The following PTPRR variants were observed in gnomAD, a reference collection of about 807,000 sequenced individuals.
PTPRR encodes protein tyrosine phosphatase receptor type R, also known as receptor-type tyrosine-protein phosphatase R.
A neutral mutation model predicts 77.2 loss-of-function variants in PTPRR; 38 were observed. That is an observed-to-expected ratio of 0.49 (90% CI 0.38 to 0.65). The LOEUF (loss-of-function observed/expected upper bound fraction) is 0.65, where lower values mean the gene tolerates loss of function less well. Ranked by LOEUF, PTPRR falls within the 30% of genes least tolerant of loss-of-function variation. The probability of loss-of-function intolerance (pLI) is 0.00; values close to 1 mark genes in which losing one functional copy is unlikely to be tolerated. For missense variants in PTPRR, 744 were observed against 799.2 expected, an observed-to-expected ratio of 0.93 and a Z score of 0.83; for synonymous variants, 299 against 283.1, an observed-to-expected ratio of 1.06 and a Z score of -0.57.
chr12:70,903,649 T>C (rs1044264707), intron 1 of PTPRR, among the ~76,000 whole-genome samples: 2 of 151,756 alleles, frequency 1.3e-5, no homozygotes, highest in African/African-American at 4.8e-5. Context: ...AAACATAGAA[T>C]AAAATCTTTA....
intron 5 of PTPRR, among the ~76,000 whole-genome samples, chr12:70,747,072 C>A (rs543137201): frequency 6.6e-6 from 1 of 152,124 alleles, no homozygotes; most frequent in Admixed American, 6.5e-5. Context: ...TTTATAATAA[C>A]TACTTTCAAG....
At chr12:70,880,306 T>C (rs983806628) in intron 2 of PTPRR, among the ~76,000 whole-genome samples, 5 of 152,194 alleles carry the variant, frequency 3.3e-5, no homozygotes, top group South Asian at 2.1e-4. Context: ...ACTTAGTCAT[T>C]GAAGGAAACA....
chr12:70,818,660 G>A (rs1365736847), intron 2 of PTPRR, among the ~76,000 whole-genome samples: 1 of 151,974 alleles, frequency 6.6e-6, no homozygotes, highest in African/African-American at 2.4e-5. Flanking sequence ...TTGCCTTAGA[G>A]GCCTGTTTCA....
At chr12:70,850,409 T>C (rs1176459203) in intron 2 of PTPRR, among the ~76,000 whole-genome samples, 1 of 151,836 alleles carries the variant, frequency 6.6e-6, no homozygotes, top group African/African-American at 2.4e-5. Context: ...GAAAGATCAA[T>C]AGGGCAGCAA....
chr12:70,874,239 A>T (rs745393187), intron 2 of PTPRR, among the ~76,000 whole-genome samples: 4 of 152,206 alleles, frequency 2.6e-5, no homozygotes, highest in Non-Finnish European at 4.4e-5. Flanking sequence ...TTGAACAAAA[A>T]AAGTCCCCTG....
chr12:70,912,792 T>C (rs1893718923), intron 1 of PTPRR, among the ~76,000 whole-genome samples: 1 of 152,182 alleles, frequency 6.6e-6, no homozygotes. Context: ...TATAGTTACA[T>C]TATATGGTAC....
chr12:70,771,377 T>C (rs1297724994), intron 2 of PTPRR, among the ~76,000 whole-genome samples: 2 of 151,724 alleles, frequency 1.3e-5, no homozygotes, highest in Non-Finnish European at 2.9e-5. Flanking sequence ...ATGAGAGCAA[T>C]GGACACTGGA....
chr12:70,851,314 T>C (rs1892568395), intron 2 of PTPRR, among the ~76,000 whole-genome samples: 1 of 152,138 alleles, frequency 6.6e-6, no homozygotes, highest in Admixed American at 6.5e-5. Flanking sequence ...TGAGAATCCA[T>C]ATTCCAATGT....
chr12:70,702,703 A>T (rs1446384678), intron 6 of PTPRR, among the ~76,000 whole-genome samples: 5 of 152,128 alleles, frequency 3.3e-5, no homozygotes, highest in Admixed American at 2.0e-4. Context: ...ATTTTTGTTA[A>T]TTTCTAAATG....
At position 70,736,610 on chromosome 12, in the gene PTPRR, A is replaced by T. The variant is rs1026824279; in HGVS notation, c.1007+9208T>A. Reference sequence around the variant, plus strand: ...TTTCCACTCTAAGGAGGGGATAAAAAGTCCCTTGGGTTGGTGAAATGAGAT... The same window carrying T: ...TTTCCACTCTAAGGAGGGGATAAAATGTCCCTTGGGTTGGTGAAATGAGAT... On this transcript the variant is annotated intron_variant, in intron 6 of 13. Coordinates refer to ENST00000283228, the MANE Select transcript of PTPRR (RefSeq NM_002849.4). Among the ~76,000 whole-genome samples the T allele has an allele frequency of 3.9e-5, 6 of 152,232 alleles. 1 individual carries two copies. The highest frequency in any genetic ancestry group is 1.4e-4 in the African/African-American group (6 of 41,472).
chr12:70,835,747 T>G (rs1892290365), intron 2 of PTPRR, among the ~76,000 whole-genome samples: 1 of 152,102 alleles, frequency 6.6e-6, no homozygotes, highest in African/African-American at 2.4e-5. Flanking sequence ...TTCTTCAAAT[T>G]TCAGATGTGT....
chr12:70,819,597 C>T (rs1489974180), intron 2 of PTPRR, among the ~76,000 whole-genome samples: 1 of 152,120 alleles, frequency 6.6e-6, no homozygotes, highest in Non-Finnish European at 1.5e-5. Flanking sequence ...ATGGAAATCT[C>T]TTTATTCAGG....
At chr12:70,881,415 G>A (rs1343618943) in intron 2 of PTPRR, among the ~76,000 whole-genome samples, 2 of 152,062 alleles carry the variant, frequency 1.3e-5, no homozygotes, top group Non-Finnish European at 2.9e-5. Context: ...CAGAGAGGAG[G>A]GCAAACATCT....
At chr12:70,889,557 T>C (rs1408574703) in intron 2 of PTPRR, among the ~76,000 whole-genome samples, 5 of 152,140 alleles carry the variant, frequency 3.3e-5, no homozygotes, top group Non-Finnish European at 1.5e-5. Flanking sequence ...AACAATAGAA[T>C]GTCTGTCTAT....
chr12:70,884,228 T>A (rs1345850758), intron 2 of PTPRR, among the ~76,000 whole-genome samples: 2 of 152,186 alleles, frequency 1.3e-5, no homozygotes, highest in Non-Finnish European at 2.9e-5. Context: ...TTTTGCTAAG[T>A]GGTGCCAATC....
chr12:70,778,229 T>A (rs1318251809), intron 2 of PTPRR, among the ~76,000 whole-genome samples: 2 of 152,230 alleles, frequency 1.3e-5, no homozygotes, highest in African/African-American at 4.8e-5. Context: ...CTTTGAACTC[T>A]GCTGCTATTT....
At chr12:70,845,953 T>C (rs1476574765) in intron 2 of PTPRR, among the ~76,000 whole-genome samples, 1 of 152,080 alleles carries the variant, frequency 6.6e-6, no homozygotes, top group Non-Finnish European at 1.5e-5. Flanking sequence ...ATCACAGTGC[T>C]TCAGTGGGAC....
At chr12:70,774,108 T>C (rs7132092) in intron 2 of PTPRR, among the ~76,000 whole-genome samples, 10,152 of 152,294 alleles carry the variant, frequency 0.067, 367 homozygotes, top group Middle Eastern at 0.099. Flanking sequence ...AGACACTGTA[T>C]TGGAGACTCT....
chr12:70,658,373 T>C (rs1886659720), intron 12 of PTPRR, among the ~76,000 whole-genome samples: 1 of 152,202 alleles, frequency 6.6e-6, no homozygotes, highest in Admixed American at 6.5e-5. Context: ...TTTCTCACAT[T>C]TGGCACTTGT....
Sources: allele counts gnomAD v4.1 joint callset (sites outside exome capture counted in the v4.1 genomes callset), GRCh38; gene constraint gnomAD v4.1.1; transcripts MANE v1.5; gene names NCBI Gene and HGNC (gene_info 2026-07-23, HGNC 2026-07-21).